Variants in PNLDC1 observed in about 807,000 individuals in gnomAD.
The protein encoded by PNLDC1 is poly(A)-specific ribonuclease PNLDC1.
A neutral mutation model predicts 82.0 loss-of-function variants in PNLDC1; 70 were observed. The ratio of observed to expected loss-of-function variants is 0.85; its 90% CI spans 0.70 to 1.04. The LOEUF (loss-of-function observed/expected upper bound fraction) is 1.04, where lower values mean the gene tolerates loss of function less well. Among genes scored for constraint, PNLDC1 ranks in the 50% least tolerant of loss-of-function variants. The pLI, the probability that PNLDC1 is intolerant of heterozygous loss-of-function variation, is 0.00. For missense variants in PNLDC1, 631 were observed against 661.1 expected, an observed-to-expected ratio of 0.95 and a Z score of 0.50; for synonymous variants, 280 against 249.3, an observed-to-expected ratio of 1.12 and a Z score of -1.16.
In PNLDC1 at chr6:159,800,332, G is replaced by C. The variant is rs745952796; in HGVS notation, c.25G>C (p.Glu9Gln). 8 of 1,547,752 alleles carry C rather than the reference G, an allele frequency of 5.2e-6. No homozygotes were observed. Residue 9 changes from glutamate to glutamine, a missense_variant, in exon 1 of 19, where the codon GAG (glutamate) becomes CAG (glutamine). Transcript: ENST00000392167. The part of the protein sequence containing the change: MDVGADEF[E>Q]ESLPLLQELV... ...CATGGACGTGGGCGCCGACGAGTTCGAGGAGAGCCTCCCTCTGCTGCAGGA... is the reference window on the plus strand; with the variant it reads ...CATGGACGTGGGCGCCGACGAGTTCCAGGAGAGCCTCCCTCTGCTGCAGGA...
chr6:159,800,105 T>A, upstream of PNLDC1: 2 of 524,396 alleles, frequency 3.8e-6, no homozygotes, highest in South Asian at 2.8e-5. Context: ...ATCAAACCTC[T>A]GTAGCAAATC....
intron 1 of PNLDC1, 180 bp from the exon 2 acceptor site, chr6:159,800,592 C>G (rs1322928156): frequency 2.6e-6 from 4 of 1,518,564 alleles, no homozygotes; most frequent in Non-Finnish European, 3.6e-6. Flanking sequence ...GCCAGAGCCC[C>G]GTGCGCCCAG....
intron 3 of PNLDC1, among the ~76,000 whole-genome samples, chr6:159,801,640 T>G (rs925862890): frequency 2.6e-5 from 4 of 152,122 alleles, no homozygotes; most frequent in African/African-American, 9.7e-5. Flanking sequence ...CAGATGGGTT[T>G]TCGTCATGTT....
At chr6:159,813,694 C>G in intron 12 of PNLDC1, 38 bp downstream of exon 12, 1 of 1,583,096 alleles carries the variant, frequency 6.3e-7, no homozygotes, top group East Asian at 2.2e-5. Context: ...GCTGGAGCGG[C>G]CTTGGTGGCC....
intron 10 of PNLDC1, among the ~76,000 whole-genome samples, chr6:159,811,250 G>A (rs938014321): frequency 5.3e-5 from 8 of 152,296 alleles, no homozygotes; most frequent in South Asian, 2.1e-4. Flanking sequence ...TTTAGGTGCA[G>A]GTATAACTGA....
In PNLDC1 at chr6:159,809,076, G is replaced by A. The variant is rs1292340763; in HGVS notation, c.701G>A (p.Arg234Gln). The A allele has an allele frequency of 6.8e-6, 11 of 1,614,048 alleles. No homozygotes were observed. Among genetic ancestry groups the A allele is most frequent in the East Asian group, 2.2e-5 (1 of 44,884 alleles). The change falls in exon 9 of 19, where the codon CGA (arginine) becomes CAA (glutamine). Residue 234 changes from arginine to glutamine, a missense_variant. Transcript: ENST00000392167. ...TATCTTCAGAACACCTCTTGTGACC[G>A]AGAGAGCTGTTGGAAGGAAAATATT... ...RWYLQNTSCD[R>Q]ESCWKENILL... is the part of the protein sequence containing the mutation.
chr6:159,818,268 G>A (rs1184098719), intron 15 of PNLDC1, among the ~76,000 whole-genome samples: 1 of 152,186 alleles, frequency 6.6e-6, no homozygotes, highest in Non-Finnish European at 1.5e-5. Flanking sequence ...GCCTCGCACT[G>A]ATTCTCTGAG....
In PNLDC1 at chr6:159,817,034, G is replaced by A. The variant is rs1583183424; in HGVS notation, c.1115-75G>A. On this transcript the variant is annotated intron_variant, in intron 14 of 18. Coordinates refer to ENST00000392167, the MANE Select transcript of PNLDC1 (RefSeq NM_001271862.2). ...TTCTACATTTATTTCAGATTGGCTT[G>A]CACATAATGAGATAAAGCATAAGCA... 6 of 1,394,068 alleles carry A rather than the reference G, an allele frequency of 4.3e-6. No individual in the cohort carries two copies. In the East Asian group the frequency reaches 9.1e-5, roughly 21 times the overall value. The allele number at this position is 1,394,068 out of a possible 1,614,324, so 86.4% of individuals were successfully genotyped here. A position where few individuals can be genotyped will look rare whatever the true frequency, so the allele number is the denominator to read the frequency against.
At chr6:159,808,712 T>C in intron 7 of PNLDC1, 28 bp from the exon 8 acceptor site, 1 of 1,596,180 alleles carries the variant, frequency 6.3e-7, no homozygotes, top group Non-Finnish European at 8.6e-7. Flanking sequence ...TTCCAGGTGC[T>C]GTGTGCCCCT....
At chr6:159,800,460 C>T (rs1448746172) in intron 1 of PNLDC1, 77 bp downstream of exon 1, 5 of 1,475,820 alleles carry the variant, frequency 3.4e-6, no homozygotes, top group African/African-American at 1.4e-5. Flanking sequence ...GGTGGCGGGA[C>T]GGTTGCCAGG....
rs1782003391 is a variant in PNLDC1 at position 159,820,470 on chromosome 6, A to G, written c.1549A>G (p.Thr517Ala). 1.2e-6 allele frequency: 2 copies of G among 1,613,984 alleles called. No homozygotes were observed. The highest frequency in any genetic ancestry group is 1.3e-5 in the African/African-American group (1 of 74,898). ...GTCTTGCAGAGTCTGTGGCATAGTG[A>G]CTGCCTGGGCCCTTCTCGCGTTCAT... ...NCLLQVCGIV[T>A]AWALLAFILG... The change falls in exon 19 of 19, where the codon ACT (threonine) becomes GCT (alanine). Residue 517 changes from threonine to alanine, a missense_variant. Coordinates refer to ENST00000392167, the MANE Select transcript of PNLDC1 (RefSeq NM_001271862.2).
chr6:159,804,241 C>T (rs768107456), intron 5 of PNLDC1, among the ~76,000 whole-genome samples, 153 bp downstream of exon 5: 21 of 152,188 alleles, frequency 1.4e-4, no homozygotes, highest in Non-Finnish European at 2.1e-4. Flanking sequence ...GCTGGGATTA[C>T]AGGCACCCGC....
chr6:159,820,626 T>G lies in PNLDC1; in HGVS notation c.*109T>G, dbSNP rs1202111119. On this transcript the variant is annotated 3_prime_UTR_variant, in exon 19 of 19. Coordinates refer to ENST00000392167, the MANE Select transcript of PNLDC1 (RefSeq NM_001271862.2). ...TGTTTGCAGATGGATCTGTTTGGTC[T>G]TTTCTAGAAATTCTGTTATGTCCTG... The G allele has an allele frequency of 2.2e-5, 24 of 1,072,126 alleles. No individual in the cohort carries two copies. Among genetic ancestry groups the G allele is most frequent in the African/African-American group, 4.7e-5 (3 of 64,316 alleles). 66.4% of individuals were successfully genotyped at this position (1,072,126 alleles called of 1,614,324 possible). A position where few individuals can be genotyped will look rare whatever the true frequency, so the allele number is the denominator to read the frequency against.
Position 159,819,879 on chromosome 6 carries a change from C to A in PNLDC1, c.1532+527C>A, listed in dbSNP as rs1201420791. Among the ~76,000 whole-genome samples the A allele has an allele frequency of 6.6e-6, 1 of 152,060 alleles. No homozygotes were observed. The highest frequency in any genetic ancestry group is 2.1e-4 in the South Asian group (1 of 4,818). ...ATGCAGGAGAAGGAACCAGTGCCCCCCAGCTGGGGGCCACCCAGGGAGGAC... is the reference window on the plus strand; with the variant it reads ...ATGCAGGAGAAGGAACCAGTGCCCCACAGCTGGGGGCCACCCAGGGAGGAC... On this transcript the variant is annotated intron_variant, in intron 18 of 18. Coordinates refer to ENST00000392167, the MANE Select transcript of PNLDC1 (RefSeq NM_001271862.2). The surrounding 1 kb of genome is among the most constrained non-coding windows in gnomAD (Gnocchi z 4.6).
chr6:159,799,797 T>A (rs1781166728), upstream of PNLDC1, among the ~76,000 whole-genome samples: 1 of 152,012 alleles, frequency 6.6e-6, no homozygotes, highest in Admixed American at 6.6e-5. Flanking sequence ...GACAGCAGAA[T>A]GAGGAAAAAG....
At chr6:159,816,730 T>G in intron 14 of PNLDC1, 134 bp downstream of exon 14, 1 of 783,992 alleles carries the variant, frequency 1.3e-6, no homozygotes, top group East Asian at 2.7e-5. Context: ...CCTCCTGGGC[T>G]CAGGTGATCC....
chr6:159,803,446 A>C, intron 4 of PNLDC1, 136 bp downstream of exon 4: 1 of 733,878 alleles, frequency 1.4e-6, no homozygotes. Context: ...CTGTTCCTCC[A>C]CTCACTCTGC....
rs942174652 is a variant in PNLDC1 at position 159,819,481 on chromosome 6, C to T, written c.1532+129C>T. 4.1e-5 allele frequency: 32 copies of T among 772,720 alleles called. No homozygotes were observed. Among genetic ancestry groups the T allele is most frequent in the Middle Eastern group, 3.5e-4 (1 of 2,818 alleles). The allele number at this position is 772,720 out of a possible 1,614,324, so 47.9% of individuals were successfully genotyped here. On this transcript the variant is annotated intron_variant, in intron 18 of 18. Coordinates refer to ENST00000392167, the MANE Select transcript of PNLDC1 (RefSeq NM_001271862.2). This position sits in a 1 kb window ranked among gnomAD's most constrained non-coding sequence, Gnocchi z 4.6. Reference sequence around the variant, plus strand: ...TGTGTTGCCAAGGGGGTTGTGTTGACGAGTGTGGTGCCCTGAATGTCCTTC... The same window carrying T: ...TGTGTTGCCAAGGGGGTTGTGTTGATGAGTGTGGTGCCCTGAATGTCCTTC...
At chr6:159,803,158 C>A in intron 3 of PNLDC1, 113 bp from the exon 4 acceptor site, 1 of 859,176 alleles carries the variant, frequency 1.2e-6, no homozygotes, top group South Asian at 1.6e-5. Flanking sequence ...TCCTGTTGTA[C>A]AGCCCACATA....
Sources: allele counts gnomAD v4.1 joint callset (sites outside exome capture counted in the v4.1 genomes callset), GRCh38; gene constraint gnomAD v4.1.1; non-coding constraint Gnocchi (gnomAD v3.1); transcripts MANE v1.5; gene names NCBI Gene and HGNC (gene_info 2026-07-23, HGNC 2026-07-21).